SLC25A21: variants seen among roughly 807,000 people sequenced by gnomAD.
SLC25A21 encodes the protein solute carrier family 25 member 21, also known as mitochondrial 2-oxodicarboxylate carrier.
A neutral mutation model predicts 43.8 loss-of-function variants in SLC25A21; 47 were observed. That is an observed-to-expected ratio of 1.07 (90% CI 0.85 to 1.37). The LOEUF is 1.37. SLC25A21 is among the 40% of genes most tolerant of loss of function. The pLI is 0.00. For missense variants in SLC25A21, 352 were observed against 350.2 expected, an observed-to-expected ratio of 1.00 and a Z score of -0.04; for synonymous variants, 131 against 121.3, an observed-to-expected ratio of 1.08 and a Z score of -0.52.
intron 1 of SLC25A21, among the ~76,000 whole-genome samples, chr14:36,947,315 G>C (rs887940199): frequency 2.0e-5 from 3 of 152,202 alleles, no homozygotes; most frequent in Admixed American, 2.0e-4. Context: ...AAGAAAACCA[G>C]AGAAGGTTCA....
chr14:37,169,571 A>AAAG (rs1181064352), intron 1 of SLC25A21, among the ~76,000 whole-genome samples: 1 of 109,478 alleles, frequency 9.1e-6, no homozygotes, highest in Admixed American at 1.1e-4. Context: ...TTTACAAACA[A>AAAG]AAGGTCATAA....
intron 1 of SLC25A21, among the ~76,000 whole-genome samples, chr14:36,999,321 T>C (rs1337381750): frequency 6.6e-6 from 1 of 152,162 alleles, no homozygotes. Context: ...TAGCATTTTG[T>C]AAAAGGCAAA....
intron 2 of SLC25A21, among the ~76,000 whole-genome samples, chr14:36,817,497 A>G (rs1888497250): frequency 6.6e-6 from 1 of 152,110 alleles, no homozygotes; most frequent in African/African-American, 2.4e-5. Flanking sequence ...TCCTTTGGGA[A>G]AATGTTACAG....
chr14:37,160,228 G>T (rs1963915569), intron 1 of SLC25A21, among the ~76,000 whole-genome samples: 1 of 152,126 alleles, frequency 6.6e-6, no homozygotes, highest in Admixed American at 6.5e-5. Flanking sequence ...TCTACCCAAA[G>T]GAAATGAAAT....
chr14:36,838,969 A>C (rs1020810371), intron 2 of SLC25A21, among the ~76,000 whole-genome samples: 1 of 152,208 alleles, frequency 6.6e-6, no homozygotes, highest in African/African-American at 2.4e-5. Context: ...TGGAGTGTGC[A>C]TTCCACAACC....
At chr14:36,783,963 G>A (rs535754758) in intron 3 of SLC25A21, among the ~76,000 whole-genome samples, 2 of 152,240 alleles carry the variant, frequency 1.3e-5, no homozygotes, top group South Asian at 4.2e-4. Flanking sequence ...AACTTGTATT[G>A]CATTTCTGAG....
intron 1 of SLC25A21, among the ~76,000 whole-genome samples, chr14:37,084,224 C>T (rs756436324): frequency 6.6e-6 from 1 of 152,148 alleles, no homozygotes; most frequent in Non-Finnish European, 1.5e-5. Flanking sequence ...CAATAATGGC[C>T]TTCTCTCGGT....
rs149074503 is a variant in SLC25A21, at chr14:37,080,311, G to T, written c.70+91970C>A. Among the ~76,000 whole-genome samples, 847 of 152,236 alleles carry T rather than the reference G, an allele frequency of 5.6e-3. 5 individuals carry two copies. The highest frequency in any genetic ancestry group is 0.014 in the African/African-American group (599 of 41,528). On this transcript the variant is annotated intron_variant, in intron 1 of 9. Coordinates refer to ENST00000331299, the MANE Select transcript of SLC25A21 (RefSeq NM_030631.4). ...TACTTTTGTCTTATTAACCACTCAC[G>T]GCCAAGAGCGGTGCCTCATGCCAGT...
At chr14:36,865,512 C>T (rs1180610199) in intron 2 of SLC25A21, among the ~76,000 whole-genome samples, 1 of 152,070 alleles carries the variant, frequency 6.6e-6, no homozygotes, top group Non-Finnish European at 1.5e-5. Context: ...TTTTGTCCTC[C>T]CACTTCCACT....
At chr14:36,842,564 G>C (rs918563111) in intron 2 of SLC25A21, among the ~76,000 whole-genome samples, 5 of 152,174 alleles carry the variant, frequency 3.3e-5, no homozygotes, top group South Asian at 4.1e-4. Context: ...TAAACTCCTG[G>C]TTTATTTGTG....
intron 3 of SLC25A21, among the ~76,000 whole-genome samples, chr14:36,802,624 T>C (rs1887905698): frequency 6.6e-6 from 1 of 152,054 alleles, no homozygotes; most frequent in South Asian, 2.1e-4. Context: ...GTAAGTGTTG[T>C]TACAGAGGAA....
In SLC25A21 at chr14:36,942,248, G is replaced by T. The variant is rs139394653; in HGVS notation, c.71-67244C>A. Reference sequence around the variant, plus strand: ...ATTCTTCGCGATTAGAAAGCCAAGTGTCCTGAGAATATTTTTGCTTAAATC... The same window carrying T: ...ATTCTTCGCGATTAGAAAGCCAAGTTTCCTGAGAATATTTTTGCTTAAATC... On this transcript the variant is annotated intron_variant, in intron 1 of 9. Coordinates refer to ENST00000331299, the MANE Select transcript of SLC25A21 (RefSeq NM_030631.4). Among the ~76,000 whole-genome samples, 31 of 152,096 alleles carry T rather than the reference G, an allele frequency of 2.0e-4. 1 individual carries two copies. The East Asian group carries it at 5.8e-3, about 28-fold the overall frequency.
chr14:36,764,202 G>GAAAGAAAC (rs1566588507), intron 3 of SLC25A21, among the ~76,000 whole-genome samples: 2 of 149,368 alleles, frequency 1.3e-5, no homozygotes, highest in Admixed American at 1.3e-4. Context: ...GAGAAAGAAA[G>GAAAGAAAC]AAACTGTTAG....
chr14:37,111,384 A>T (rs1007444486), intron 1 of SLC25A21, among the ~76,000 whole-genome samples: 12 of 152,208 alleles, frequency 7.9e-5, no homozygotes, highest in African/African-American at 2.6e-4. Context: ...AATAAATCAG[A>T]TGTTAGTTTT....
At chr14:36,789,316 G>C (rs1887360567) in intron 3 of SLC25A21, among the ~76,000 whole-genome samples, 1 of 151,794 alleles carries the variant, frequency 6.6e-6, no homozygotes, top group Admixed American at 6.6e-5. Context: ...GTATTTCATA[G>C]ATTTTTGGGG....
intron 1 of SLC25A21, among the ~76,000 whole-genome samples, chr14:37,154,338 C>G (rs961615919): frequency 6.6e-6 from 1 of 152,142 alleles, no homozygotes; most frequent in Non-Finnish European, 1.5e-5. Context: ...AGTGCCCTAC[C>G]TAACAAACAC....
intron 1 of SLC25A21, among the ~76,000 whole-genome samples, chr14:36,956,774 G>T (rs1012931789): frequency 1.3e-5 from 2 of 152,052 alleles, no homozygotes; most frequent in Non-Finnish European, 2.9e-5. Flanking sequence ...ACTGAAATTT[G>T]ATTTTATGAA....
At chr14:36,904,921 C>T (rs1389297328) in intron 1 of SLC25A21, among the ~76,000 whole-genome samples, 1 of 152,064 alleles carries the variant, frequency 6.6e-6, no homozygotes, top group African/African-American at 2.4e-5. Context: ...ATGAAGGGCC[C>T]CCAAATTATG....
In SLC25A21 at chr14:37,040,359, AAG is replaced by A. The variant is rs536517266; in HGVS notation, c.70+131920_70+131921del. 6.3e-3 allele frequency among the ~76,000 whole-genome samples: 253 copies of A among 40,138 alleles called. 48 individuals are homozygous for A. The highest frequency in any genetic ancestry group is 0.021 in the African/African-American group (49 of 2,360). 26.3% of individuals were successfully genotyped at this position (40,138 alleles called of 152,430 possible). ...AAGGAAGGAAGGAAGGAAGGAAAGA[AAG>A]AGAGAGAGAGAGAGAAAGAAAGAAA... On this transcript the variant is annotated intron_variant, in intron 1 of 9. Coordinates refer to ENST00000331299, the MANE Select transcript of SLC25A21 (RefSeq NM_030631.4).
Sources: gnomAD v4.1 joint callset for allele counts (sites outside exome capture counted in the v4.1 genomes callset) on GRCh38, gnomAD v4.1.1 for gene constraint, MANE v1.5 for transcripts, NCBI Gene and HGNC (gene_info 2026-07-23, HGNC 2026-07-21) for gene names.